The following NAP1L4 variants were observed in gnomAD, a reference collection of about 807,000 sequenced individuals.
NAP1L4 encodes nucleosome assembly protein 1-like 4.
In NAP1L4, 15 loss-of-function variants were observed where a neutral mutation model predicts 58.2. The observed-to-expected ratio is 0.26, with a 90% CI of 0.17 to 0.40. NAP1L4 has a LOEUF of 0.40. Among genes scored for constraint, NAP1L4 ranks in the 10% least tolerant of loss-of-function variants. NAP1L4 has a pLI of 1.00. For synonymous variants in NAP1L4, 171 were observed against 155.6 expected, an observed-to-expected ratio of 1.10 and a Z score of -0.74; for missense variants, 384 against 451.1, an observed-to-expected ratio of 0.85 and a Z score of 1.35.
At chr11:2,973,122 C>T (rs539097579) in intron 4 of NAP1L4, among the ~76,000 whole-genome samples, 3 of 152,192 alleles carry the variant, frequency 2.0e-5, no homozygotes, top group African/African-American at 7.2e-5. Context: ...ATATTTAGTG[C>T]CACGTGGGAA....
chr11:2,951,433 C>A lies in NAP1L4; in HGVS notation c.1066-118G>T. On this transcript the variant is annotated intron_variant, in intron 13 of 15. Coordinates refer to ENST00000380542, the MANE Select transcript of NAP1L4 (RefSeq NM_005969.4). The surrounding 1 kb of genome is among the most constrained non-coding windows in gnomAD (Gnocchi z 4.0). Reference sequence around the variant, plus strand: ...TAGATGGAAATCAATTACTGCTACCCACAAGTGACTCATCACTTCCTTTGG... The same window carrying A: ...TAGATGGAAATCAATTACTGCTACCAACAAGTGACTCATCACTTCCTTTGG... 1 of 825,254 alleles carries A rather than the reference C, an allele frequency of 1.2e-6. No homozygotes were observed. Among genetic ancestry groups the A allele is most frequent in the Non-Finnish European group, 2.1e-6 (1 of 485,842 alleles). 51.1% of individuals were successfully genotyped at this position (825,254 alleles called of 1,614,324 possible).
intron 14 of NAP1L4, among the ~76,000 whole-genome samples, chr11:2,950,482 G>C (rs774183148): frequency 5.3e-5 from 8 of 152,172 alleles, no homozygotes; most frequent in South Asian, 2.1e-4. Flanking sequence ...GTCGGACAGA[G>C]ACACATTACA....
rs2133888363 is a variant in NAP1L4, at chr11:2,946,873, G to A, written c.*33-1227C>T. 6.6e-6 allele frequency among the ~76,000 whole-genome samples: 1 copy of A among 152,292 alleles called. No homozygotes were observed. Among genetic ancestry groups the A allele is most frequent in the South Asian group, 2.1e-4 (1 of 4,818 alleles). On this transcript the variant is annotated intron_variant, in intron 15 of 15. Transcript: ENST00000380542. The surrounding 1 kb of genome is among the most constrained non-coding windows in gnomAD (Gnocchi z 4.8). ...CCAGTGTAGTGGCCAAGAACACTGAGCCACTGGCCTTAGGAGTGTGGGGGA... is the reference window on the plus strand; with the variant it reads ...CCAGTGTAGTGGCCAAGAACACTGAACCACTGGCCTTAGGAGTGTGGGGGA...
intron 1 of NAP1L4, among the ~76,000 whole-genome samples, chr11:2,987,651 G>T (rs1848715884): frequency 6.7e-6 from 1 of 148,784 alleles, no homozygotes; most frequent in Non-Finnish European, 1.5e-5. Flanking sequence ...CAGCTACTTG[G>T]GAGGCTGAGA....
rs1370915767 is a variant in NAP1L4, at chr11:2,971,763, G to A, written c.316-229C>T. ...ATAAAGACAGTCCCCGATTTCCAAT[G>A]GTTCAGCTAAAGATTTTCAACTTCC... On this transcript the variant is annotated intron_variant, in intron 5 of 15. Transcript: ENST00000380542. This position sits in a 1 kb window ranked among gnomAD's most constrained non-coding sequence, Gnocchi z 4.2. 6.6e-6 allele frequency among the ~76,000 whole-genome samples: 1 copy of A among 152,196 alleles called. No individual in the cohort carries two copies. Among genetic ancestry groups the A allele is most frequent in the African/African-American group, 2.4e-5 (1 of 41,446 alleles).
chr11:2,963,639 C>G (rs972011776), intron 8 of NAP1L4: 2 of 453,340 alleles, frequency 4.4e-6, no homozygotes, highest in Non-Finnish European at 8.7e-6. Flanking sequence ...AATCCCACTC[C>G]TAGTGGCCCT....
Position 2,945,269 on chromosome 11 carries a change from G to C in NAP1L4, c.*410C>G, listed in dbSNP as rs1384012969. The stretch of plus-strand genomic sequence containing the variant: ...CCAGATCCTGGGAACCACATCACCA[G>C]ACCTCGGCCCTTTTTGCCAAGTGAC... On this transcript the variant is annotated 3_prime_UTR_variant, in exon 16 of 16. Transcript: ENST00000380542. The C allele has an allele frequency of 4.0e-6, 1 of 247,182 alleles. No individual in the cohort carries two copies. Among genetic ancestry groups the C allele is most frequent in the African/African-American group, 2.2e-5 (1 of 44,932 alleles). The allele number at this position is 247,182 out of a possible 1,614,324, so 15.3% of individuals were successfully genotyped here.
intron 4 of NAP1L4, among the ~76,000 whole-genome samples, chr11:2,974,084 ATTAGT>A (rs1269671095): frequency 6.6e-6 from 1 of 152,232 alleles, no homozygotes; most frequent in Non-Finnish European, 1.5e-5. Context: ...ACAATTTTAA[ATTAGT>A]TTAATTTTTG....
Position 2,959,319 on chromosome 11 carries a change from A to AT in NAP1L4, c.746+450_746+451insA, listed in dbSNP as rs578045609. Among the ~76,000 whole-genome samples, 719 of 152,360 alleles carry AT rather than the reference A, an allele frequency of 4.7e-3. 4 individuals are homozygous for AT. The highest frequency in any genetic ancestry group is 8.2e-3 in the Non-Finnish European group (560 of 68,028). On this transcript the variant is annotated intron_variant, in intron 9 of 15. Transcript: ENST00000380542. The surrounding 1 kb of genome is among the most constrained non-coding windows in gnomAD (Gnocchi z 4.9). ...CCAAATTCTCTCTTTAGTGATTTATAAAGACTGAAATCAGTGAGTCAAACA... is the reference window on the plus strand; with the variant it reads ...CCAAATTCTCTCTTTAGTGATTTATATAAGACTGAAATCAGTGAGTCAAACA...
In NAP1L4 at chr11:2,954,403, A is replaced by G. The variant is rs998743177; in HGVS notation, c.1035+124T>C. On this transcript the variant is annotated intron_variant, in intron 12 of 15. Transcript: ENST00000380542. This position sits in a 1 kb window ranked among gnomAD's most constrained non-coding sequence, Gnocchi z 4.8. ...CAACAAGGACAGCAGCTTGGACTAC[A>G]TATCTGGCTGATGATGTAATAAAAA... 23 of 1,380,484 alleles carry G rather than the reference A, an allele frequency of 1.7e-5. No homozygotes were observed. Among genetic ancestry groups the G allele is most frequent in the African/African-American group, 4.3e-5 (3 of 69,626 alleles). The allele number at this position is 1,380,484 out of a possible 1,614,324, so 85.5% of individuals were successfully genotyped here. A position where few individuals can be genotyped will look rare whatever the true frequency, so the allele number is the denominator to read the frequency against.
In NAP1L4 at chr11:2,951,563, C is replaced by T. The variant is rs1846227261; in HGVS notation, c.1065+217G>A. Among the ~76,000 whole-genome samples, 1 of 152,192 alleles carries T rather than the reference C, an allele frequency of 6.6e-6. No homozygotes were observed. The highest frequency in any genetic ancestry group is 2.4e-5 in the African/African-American group (1 of 41,438). On this transcript the variant is annotated intron_variant, in intron 13 of 15. Coordinates refer to ENST00000380542, the MANE Select transcript of NAP1L4 (RefSeq NM_005969.4). The surrounding 1 kb of genome is among the most constrained non-coding windows in gnomAD (Gnocchi z 4.0). ...TGTTAAATGATTATTTTCTAAGATA[C>T]ATTTTCATGAACCAACTGCAGGGTC...
Position 2,978,359 on chromosome 11 carries a change from T to C in NAP1L4, c.15-17A>G, listed in dbSNP as rs1205661208. 1.2e-6 allele frequency: 2 copies of C among 1,611,570 alleles called. No individual in the cohort carries two copies. The highest frequency in any genetic ancestry group is 1.7e-6 in the Non-Finnish European group (2 of 1,178,164). ...TCTGAAAAACTAAAACAACAGTATGTTTAAAAAGTATTACTGTAAAGAAAG... is the reference window on the plus strand; with the variant it reads ...TCTGAAAAACTAAAACAACAGTATGCTTAAAAAGTATTACTGTAAAGAAAG... On this transcript the variant is annotated splice_polypyrimidine_tract_variant and intron_variant, in intron 2 of 15. Transcript: ENST00000380542.
intron 1 of NAP1L4, chr11:2,990,806 C>G (rs558722429): frequency 4.7e-6 from 1 of 211,946 alleles, no homozygotes; most frequent in Non-Finnish European, 1.0e-5. Context: ...AATGAGTTAA[C>G]ACACGCAAAC....
At chr11:2,970,016 A>G in intron 6 of NAP1L4, 82 bp from the exon 7 acceptor site, 1 of 1,385,082 alleles carries the variant, frequency 7.2e-7, no homozygotes, top group Middle Eastern at 2.5e-4. Flanking sequence ...TCGTTGCCGA[A>G]TCCTCTACTA....
At chr11:2,985,290 C>A (rs1296644122) in intron 1 of NAP1L4, among the ~76,000 whole-genome samples, 6 of 152,294 alleles carry the variant, frequency 3.9e-5, no homozygotes, top group African/African-American at 1.4e-4. Flanking sequence ...AGCTAGAGTT[C>A]AGTCAAGTTT....
intron 10 of NAP1L4, among the ~76,000 whole-genome samples, chr11:2,957,807 G>GA: frequency 6.6e-6 from 1 of 152,240 alleles, no homozygotes; most frequent in Non-Finnish European, 1.5e-5. Flanking sequence ...TTTCAAAAAT[G>GA]AAAGTCCCAA....
At chr11:2,977,147 T>C (rs1848012407) in intron 3 of NAP1L4, among the ~76,000 whole-genome samples, 1 of 152,258 alleles carries the variant, frequency 6.6e-6, no homozygotes, top group African/African-American at 2.4e-5. Flanking sequence ...ATGTGTAGTA[T>C]ATAAATACTA....
rs1038147406 is a variant in NAP1L4, at chr11:2,946,324, C to T, written c.*33-678G>A. Among the ~76,000 whole-genome samples the T allele has an allele frequency of 2.0e-5, 3 of 152,170 alleles. No homozygotes were observed. The highest frequency in any genetic ancestry group is 7.2e-5 in the African/African-American group (3 of 41,436). On this transcript the variant is annotated intron_variant, in intron 15 of 15. Coordinates refer to ENST00000380542, the MANE Select transcript of NAP1L4 (RefSeq NM_005969.4). This position sits in a 1 kb window ranked among gnomAD's most constrained non-coding sequence, Gnocchi z 4.8. ...CCTTCCAGTAACGGCATCCGGGACA[C>T]AAAATTCCCCTCCCAGAGGAATGGA...
Position 2,959,957 on chromosome 11 carries a change from C to G in NAP1L4, c.607-48G>C, listed in dbSNP as rs766702032. The G allele has an allele frequency of 6.3e-7, 1 of 1,594,060 alleles. No individual in the cohort carries two copies. Among genetic ancestry groups the G allele is most frequent in the Non-Finnish European group, 8.6e-7 (1 of 1,166,488 alleles). Reference sequence around the variant, plus strand: ...AGCACCAGTTAAAATAGAAAAATAACGAGGACAGATTGCTTGGAGTACACA... The same window carrying G: ...AGCACCAGTTAAAATAGAAAAATAAGGAGGACAGATTGCTTGGAGTACACA... On this transcript the variant is annotated intron_variant, in intron 8 of 15. Coordinates refer to ENST00000380542, the MANE Select transcript of NAP1L4 (RefSeq NM_005969.4). This position sits in a 1 kb window ranked among gnomAD's most constrained non-coding sequence, Gnocchi z 4.9.
Sources: gnomAD v4.1 joint callset for allele counts (sites outside exome capture counted in the v4.1 genomes callset) on GRCh38, gnomAD v4.1.1 for gene constraint, Gnocchi (gnomAD v3.1) non-coding constraint, MANE v1.5 for transcripts, NCBI Gene and HGNC (gene_info 2026-07-23, HGNC 2026-07-21) for gene names.